Variants in TTC27 observed in about 807,000 individuals in gnomAD.
TTC27 encodes the protein tetratricopeptide repeat domain 27.
TTC27 carries 79 observed loss-of-function variants against 115.9 expected under a neutral mutation model. The ratio of observed to expected loss-of-function variants is 0.68; its 90% CI spans 0.57 to 0.82. The LOEUF (loss-of-function observed/expected upper bound fraction) is 0.82. TTC27 is among the 40% of genes least tolerant of loss of function. The probability of loss-of-function intolerance (pLI) is 0.00; values close to 1 mark genes in which losing one functional copy is unlikely to be tolerated. For missense variants in TTC27, 1,054 were observed against 993.1 expected, an observed-to-expected ratio of 1.06 and a Z score of -0.82; for synonymous variants, 401 against 356.0, an observed-to-expected ratio of 1.13 and a Z score of -1.42.
chr2:32,677,623 G>A (rs900076267), intron 8 of TTC27, among the ~76,000 whole-genome samples: 15 of 151,734 alleles, frequency 9.9e-5, no homozygotes, highest in African/African-American at 3.4e-4. Flanking sequence ...TTAATTTTTT[G>A]TATTTTTAGT....
At chr2:32,667,796 G>T (rs1665843632) in intron 7 of TTC27, among the ~76,000 whole-genome samples, 3 of 149,874 alleles carry the variant, frequency 2.0e-5, no homozygotes, top group Admixed American at 1.3e-4. Context: ...GCTCATGCCT[G>T]TAATCCCAGC....
At chr2:32,757,336 G>A (rs1404885909) in intron 12 of TTC27, among the ~76,000 whole-genome samples, 1 of 152,170 alleles carries the variant, frequency 6.6e-6, no homozygotes, top group Non-Finnish European at 1.5e-5. Flanking sequence ...AGGTAGTGAG[G>A]CCACCTGATA....
intron 13 of TTC27, among the ~76,000 whole-genome samples, chr2:32,765,460 A>G (rs964276960): frequency 1.3e-5 from 2 of 150,750 alleles, no homozygotes; most frequent in Non-Finnish European, 2.9e-5. Context: ...TCATTGTTCC[A>G]CTTACAGTCC....
At chr2:32,674,186 T>G (rs1248104380) in intron 8 of TTC27, among the ~76,000 whole-genome samples, 1 of 151,560 alleles carries the variant, frequency 6.6e-6, no homozygotes, top group Non-Finnish European at 1.5e-5. Flanking sequence ...AGTCTTGCAC[T>G]GTCGCCCAGG....
intron 16 of TTC27, among the ~76,000 whole-genome samples, chr2:32,810,210 G>T (rs185429460): frequency 1.8e-4 from 27 of 152,070 alleles, no homozygotes; most frequent in African/African-American, 5.8e-4. Flanking sequence ...ATGCATTAAC[G>T]GTTCATCATT....
At chr2:32,782,532 A>G in intron 14 of TTC27, 94 bp from the exon 15 acceptor site, 3 of 1,023,288 alleles carry the variant, frequency 2.9e-6, no homozygotes, top group South Asian at 3.2e-5. Flanking sequence ...TAAAGAGCAT[A>G]TATTGGACTA....
chr2:32,815,040 A>G (rs2148050581), intron 18 of TTC27, among the ~76,000 whole-genome samples: 1 of 152,192 alleles, frequency 6.6e-6, no homozygotes, highest in Non-Finnish European at 1.5e-5. Flanking sequence ...CCTCCCTATA[A>G]CAATGTCATC....
At chr2:32,751,258 C>CCACACACACACACACA (rs56183534) in intron 12 of TTC27, among the ~76,000 whole-genome samples, 11 of 140,850 alleles carry the variant, frequency 7.8e-5, no homozygotes, top group African/African-American at 1.9e-4. Flanking sequence ...GTAGGTTAAA[C>CCACACACACACACACA]CACACACACA....
At chr2:32,663,222 A>T (rs1352719315) in intron 5 of TTC27, among the ~76,000 whole-genome samples, 1 of 152,190 alleles carries the variant, frequency 6.6e-6, no homozygotes, top group Admixed American at 6.5e-5. Flanking sequence ...CCATTGGGGT[A>T]TGAAAAAACT....
At chr2:32,787,172 T>G in intron 16 of TTC27, 23 bp downstream of exon 16, 1 of 1,595,772 alleles carries the variant, frequency 6.3e-7, no homozygotes, top group Non-Finnish European at 8.5e-7. Flanking sequence ...TATTCCGTTA[T>G]TTCAGTTTGT....
chr2:32,780,850 GTTT>G (rs141309612), intron 14 of TTC27, among the ~76,000 whole-genome samples: 56 of 143,222 alleles, frequency 3.9e-4, no homozygotes, highest in East Asian at 2.4e-3. Flanking sequence ...TCTAGTAGGT[GTTT>G]TTTTTTTTTT....
At chr2:32,698,918 T>G (rs1667091513) in intron 9 of TTC27, among the ~76,000 whole-genome samples, 1 of 152,188 alleles carries the variant, frequency 6.6e-6, no homozygotes, top group Non-Finnish European at 1.5e-5. Flanking sequence ...AGTTATTATT[T>G]ACAATATTAT....
intron 10 of TTC27, among the ~76,000 whole-genome samples, chr2:32,711,506 T>C (rs1667580365): frequency 6.6e-6 from 1 of 152,226 alleles, no homozygotes. Flanking sequence ...AGTTACTGCA[T>C]CCCTGAGGAA....
intron 16 of TTC27, among the ~76,000 whole-genome samples, chr2:32,789,945 A>AAAG (rs1670477228): frequency 7.3e-6 from 1 of 137,198 alleles, no homozygotes; most frequent in Non-Finnish European, 1.5e-5. Context: ...AAAAAAAAAA[A>AAAG]AGAGAAGTCT....
At chr2:32,703,196 C>T (rs1204614909) in intron 10 of TTC27, among the ~76,000 whole-genome samples, 2 of 152,176 alleles carry the variant, frequency 1.3e-5, no homozygotes, top group African/African-American at 2.4e-5. Flanking sequence ...AGGCTGGGCG[C>T]GGTGGCTCAC....
At position 32,777,913 on chromosome 2, in the gene TTC27, AT is replaced by A. The variant is rs1670050967; in HGVS notation, c.1715del (p.Leu572TrpfsTer17). On this transcript the variant is annotated frameshift_variant, in exon 14 of 20. Transcript: ENST00000317907. LOFTEE classifies it high-confidence loss of function. The part of the protein sequence containing the change: ...LGVWFSLGCA[Y>X]LALEDYQGSA... ...GTGTGGTTTTCTCTCGGTTGTGCCT[AT>A]TTGGCCTTGGAAGACTATCAAGGTT... The A allele has an allele frequency of 6.2e-7, 1 of 1,613,830 alleles. No homozygotes were observed. The highest frequency in any genetic ancestry group is 1.7e-5 in the Admixed American group (1 of 59,988).
At chr2:32,741,728 A>G (rs1405489806) in intron 12 of TTC27, among the ~76,000 whole-genome samples, 1 of 152,204 alleles carries the variant, frequency 6.6e-6, no homozygotes, top group African/African-American at 2.4e-5. Context: ...TTTGGCATGT[A>G]GCAAGAAGTC....
chr2:32,705,002 T>C (rs1228216678), intron 10 of TTC27: 3 of 457,302 alleles, frequency 6.6e-6, no homozygotes, highest in South Asian at 1.6e-5. Context: ...GGAAGTGATA[T>C]GGTTTGAGTA....
intron 13 of TTC27, among the ~76,000 whole-genome samples, chr2:32,776,178 T>A (rs1669991822): frequency 6.6e-6 from 1 of 152,250 alleles, no homozygotes; most frequent in African/African-American, 2.4e-5. Flanking sequence ...AGGCTCCTGA[T>A]AACAGTTATT....
Sources: allele counts gnomAD v4.1 joint callset (sites outside exome capture counted in the v4.1 genomes callset), GRCh38; gene constraint gnomAD v4.1.1; transcripts MANE v1.5; gene names NCBI Gene and HGNC (gene_info 2026-07-23, HGNC 2026-07-21).